CACNA2D3: variants seen among roughly 807,000 people sequenced by gnomAD.
CACNA2D3 encodes calcium voltage-gated channel auxiliary subunit alpha2delta 3, also known as voltage-dependent calcium channel subunit alpha-2/delta-3.
A neutral mutation model predicts 160.6 loss-of-function variants in CACNA2D3; 60 were observed. The ratio of observed to expected loss-of-function variants is 0.37; its 90% CI spans 0.30 to 0.46. The LOEUF (loss-of-function observed/expected upper bound fraction) is 0.46, where lower values mean the gene tolerates loss of function less well. Among genes scored for constraint, CACNA2D3 ranks in the 20% least tolerant of loss-of-function variants. The pLI is 1.00. For synonymous variants in CACNA2D3, 558 were observed against 492.9 expected, an observed-to-expected ratio of 1.13 and a Z score of -1.75; for missense variants, 1,205 against 1,365.0, an observed-to-expected ratio of 0.88 and a Z score of 1.85.
chr3:54,722,535 A>G (rs1240152977), intron 11 of CACNA2D3, among the ~76,000 whole-genome samples: 2 of 152,204 alleles, frequency 1.3e-5, no homozygotes, highest in Non-Finnish European at 1.5e-5. Flanking sequence ...GTTTCTCCCC[A>G]TCTTTGTGGA....
intron 13 of CACNA2D3, among the ~76,000 whole-genome samples, chr3:54,802,469 T>C (rs956655505): frequency 2.0e-5 from 3 of 152,186 alleles, no homozygotes; most frequent in Non-Finnish European, 4.4e-5. Context: ...TTTGAGGAAA[T>C]TACTCCTGAG....
chr3:54,903,287 A>G (rs559649439), intron 27 of CACNA2D3, among the ~76,000 whole-genome samples: 1 of 152,284 alleles, frequency 6.6e-6, no homozygotes, highest in South Asian at 2.1e-4. Flanking sequence ...GCTCCCACGT[A>G]TAAGTGAGAA....
At position 54,763,812 on chromosome 3, in the gene CACNA2D3, CATATATATAT is replaced by C. The variant is rs10606589; in HGVS notation, c.1247-404_1247-395del. On this transcript the variant is annotated intron_variant, in intron 12 of 37. Coordinates refer to ENST00000474759, the MANE Select transcript of CACNA2D3 (RefSeq NM_018398.3). ...ATGTATATATATGTACATATATATACATATATATATACGTATATATATGTATATATATGTA... is the reference window on the plus strand; with the variant it reads ...ATGTATATATATGTACATATATATACACGTATATATATGTATATATATGTA... 4.1e-4 allele frequency among the ~76,000 whole-genome samples: 17 copies of C among 41,888 alleles called. 7 individuals are homozygous for C. The highest frequency in any genetic ancestry group is 1.4e-3 in the East Asian group (2 of 1,470). 27.5% of individuals were successfully genotyped at this position (41,888 alleles called of 152,430 possible).
intron 13 of CACNA2D3, among the ~76,000 whole-genome samples, chr3:54,784,833 A>G (rs967645400): frequency 1.3e-5 from 2 of 152,208 alleles, no homozygotes; most frequent in Admixed American, 6.5e-5. Flanking sequence ...GATAGCTCCT[A>G]TTTAATTTCA....
intron 17 of CACNA2D3, among the ~76,000 whole-genome samples, chr3:54,851,012 A>G (rs113380983): frequency 6.6e-6 from 1 of 152,256 alleles, no homozygotes; most frequent in African/African-American, 2.4e-5. Flanking sequence ...GATGTGCCCT[A>G]CCTCCAATAA....
At position 54,517,396 on chromosome 3, in the gene CACNA2D3, G is replaced by A. The variant is rs1185531229; in HGVS notation, c.544+13742G>A. 2.6e-5 allele frequency among the ~76,000 whole-genome samples: 4 copies of A among 152,190 alleles called. 1 individual carries two copies. The highest frequency in any genetic ancestry group is 6.5e-5 in the Admixed American group (1 of 15,280). On this transcript the variant is annotated intron_variant, in intron 5 of 37. Coordinates refer to ENST00000474759, the MANE Select transcript of CACNA2D3 (RefSeq NM_018398.3). ...GGCTGACCTCAGCTAGGAAGCATTG[G>A]TGTGGGTATGCTAGTGGTTCAGATA...
intron 2 of CACNA2D3, among the ~76,000 whole-genome samples, chr3:54,141,921 A>G (rs1699943457): frequency 6.6e-6 from 1 of 152,194 alleles, no homozygotes; most frequent in African/African-American, 2.4e-5. Flanking sequence ...GCAAAATAAG[A>G]TTGCACCCTC....
intron 2 of CACNA2D3, among the ~76,000 whole-genome samples, chr3:54,271,295 A>G (rs150519877): frequency 1.1e-4 from 17 of 152,064 alleles, no homozygotes; most frequent in African/African-American, 4.1e-4. Flanking sequence ...CCGCTCACAG[A>G]CCTTGCTAAT....
chr3:54,805,292 G>A (rs1319876581), intron 13 of CACNA2D3, among the ~76,000 whole-genome samples: 1 of 152,132 alleles, frequency 6.6e-6, no homozygotes, highest in Non-Finnish European at 1.5e-5. Context: ...CAACAATATT[G>A]ATAGACCACT....
At chr3:55,048,908 C>T (rs1450576718) in intron 35 of CACNA2D3, among the ~76,000 whole-genome samples, 1 of 136,710 alleles carries the variant, frequency 7.3e-6, no homozygotes, top group Non-Finnish European at 1.6e-5. Context: ...TTGTAGTATT[C>T]TCTGATGGTA....
At chr3:54,904,268 G>GC (rs1317549774) in intron 27 of CACNA2D3, among the ~76,000 whole-genome samples, 21 of 152,140 alleles carry the variant, frequency 1.4e-4, no homozygotes, top group African/African-American at 5.1e-4. Context: ...GAGAGACCTG[G>GC]CCCACTAGTC....
chr3:54,969,262 CTT>C (rs66688757), intron 28 of CACNA2D3, among the ~76,000 whole-genome samples: 135 of 134,672 alleles, frequency 1.0e-3, no homozygotes, highest in African/African-American at 3.6e-3. Flanking sequence ...ATAAAGTAGA[CTT>C]TTTTTTTTTT....
chr3:54,493,738 G>C (rs1328007877), intron 4 of CACNA2D3, among the ~76,000 whole-genome samples: 1 of 152,208 alleles, frequency 6.6e-6, no homozygotes, highest in Non-Finnish European at 1.5e-5. Context: ...CCTGCTGCCT[G>C]GGTTGACCAA....
At chr3:54,605,528 ACAG>A (rs1444417048) in intron 9 of CACNA2D3, among the ~76,000 whole-genome samples, 2 of 152,028 alleles carry the variant, frequency 1.3e-5, no homozygotes, top group African/African-American at 4.8e-5. Context: ...CCACCCAACC[ACAG>A]CAGCCCATGC....
chr3:54,591,589 A>G (rs1702861838), intron 9 of CACNA2D3, among the ~76,000 whole-genome samples: 1 of 62,188 alleles, frequency 1.6e-5, no homozygotes, highest in African/African-American at 9.0e-5. Context: ...TTTTTTTTTC[A>G]CATCACTAGA....
chr3:54,887,010 G>A (rs1699942931), intron 23 of CACNA2D3, among the ~76,000 whole-genome samples: 1 of 134,724 alleles, frequency 7.4e-6, no homozygotes, highest in South Asian at 2.3e-4. Context: ...CTCCTCTGCA[G>A]AGTGATTTGA....
chr3:54,265,599 GTATA>G (rs931901158), intron 2 of CACNA2D3, among the ~76,000 whole-genome samples: 9 of 129,488 alleles, frequency 7.0e-5, no homozygotes, highest in Middle Eastern at 3.9e-3. Context: ...TATATAGTGT[GTATA>G]TATATAGTGT....
intron 2 of CACNA2D3, among the ~76,000 whole-genome samples, chr3:54,236,480 A>C (rs1701878815): frequency 6.6e-6 from 1 of 152,190 alleles, no homozygotes; most frequent in African/African-American, 2.4e-5. Flanking sequence ...TTTATTGAAA[A>C]ATACATACTG....
At chr3:54,607,284 T>C (rs1227943776) in intron 9 of CACNA2D3, among the ~76,000 whole-genome samples, 2 of 152,176 alleles carry the variant, frequency 1.3e-5, no homozygotes, top group Non-Finnish European at 2.9e-5. Flanking sequence ...CTATAGTTTC[T>C]GACTGTGGAA....
Sources: gnomAD v4.1 joint callset for allele counts (sites outside exome capture counted in the v4.1 genomes callset) on GRCh38, gnomAD v4.1.1 for gene constraint, MANE v1.5 for transcripts, NCBI Gene and HGNC (gene_info 2026-07-23, HGNC 2026-07-21) for gene names.